Variants in FSTL5 observed in about 807,000 individuals in gnomAD.
FSTL5 encodes follistatin-related protein 5.
Under a neutral mutation model 89.1 loss-of-function variants are expected in FSTL5, and 62 were observed. The observed-to-expected ratio is 0.70, with a 90% CI of 0.57 to 0.86. The LOEUF is 0.86. Among genes scored for constraint, FSTL5 ranks in the 40% least tolerant of loss-of-function variants. FSTL5 has a pLI of 0.00. For synonymous variants in FSTL5, 383 were observed against 346.2 expected (o/e 1.11, Z -1.18); for missense variants, 1,057 against 1,001.6 (o/e 1.06, Z -0.75).
intron 2 of FSTL5, among the ~76,000 whole-genome samples, chr4:162,038,536 T>C (rs184379346): frequency 9.9e-5 from 15 of 152,064 alleles, no homozygotes; most frequent in Admixed American, 7.2e-4. Context: ...GAGCTGTAAG[T>C]GGTTCTGAAG....
chr4:161,699,594 A>C (rs1738303537), intron 6 of FSTL5, among the ~76,000 whole-genome samples: 1 of 152,226 alleles, frequency 6.6e-6, no homozygotes, highest in South Asian at 2.1e-4. Context: ...AAACTATAAG[A>C]CACACATTAA....
chr4:161,552,994 A>C (rs1033803403), intron 8 of FSTL5, among the ~76,000 whole-genome samples: 1 of 151,670 alleles, frequency 6.6e-6, no homozygotes, highest in Non-Finnish European at 1.5e-5. Flanking sequence ...ACATGAAAAA[A>C]AGAAACTGAT....
chr4:161,542,289 A>C (rs558207722), intron 9 of FSTL5, among the ~76,000 whole-genome samples: 1 of 152,192 alleles, frequency 6.6e-6, no homozygotes, highest in Non-Finnish European at 1.5e-5. Flanking sequence ...ATAATTTAAT[A>C]TTTTACTTAT....
At chr4:161,757,199 T>C (rs1256031936) in intron 6 of FSTL5, among the ~76,000 whole-genome samples, 1 of 152,176 alleles carries the variant, frequency 6.6e-6, no homozygotes, top group Non-Finnish European at 1.5e-5. Flanking sequence ...TTAAATTCAC[T>C]TGTCCTTAAG....
At chr4:162,135,919 T>A (rs950805868) in intron 1 of FSTL5, among the ~76,000 whole-genome samples, 1 of 152,144 alleles carries the variant, frequency 6.6e-6, no homozygotes, top group Non-Finnish European at 1.5e-5. Flanking sequence ...ACACATTTTA[T>A]GCTAATGAGT....
rs772541253 is a variant in FSTL5 at position 161,784,900 on chromosome 4, AC to A, written c.410-8827del. Among the ~76,000 whole-genome samples the A allele has an allele frequency of 1.4e-3, 206 of 146,350 alleles. 14 individuals carry two copies. The highest frequency in any genetic ancestry group is 2.2e-3 in the Admixed American group (32 of 14,802). On this transcript the variant is annotated intron_variant, in intron 4 of 15. Transcript: ENST00000306100. ...AGAGCAAGACTCCGTCTCAAAAAAA[AC>A]AAAAACAAACAAACAAAAAAAAGAA...
At chr4:161,458,545 T>C (rs1733444643) in intron 14 of FSTL5, among the ~76,000 whole-genome samples, 1 of 152,170 alleles carries the variant, frequency 6.6e-6, no homozygotes, top group Non-Finnish European at 1.5e-5. Flanking sequence ...TTTGGGGTCT[T>C]GTTAAGAGGG....
intron 9 of FSTL5, among the ~76,000 whole-genome samples, chr4:161,539,723 GAAAGCA>G (rs1409594047): frequency 1.3e-5 from 2 of 151,588 alleles, no homozygotes; most frequent in Non-Finnish European, 2.9e-5. Context: ...CAACAAAAAA[GAAAGCA>G]AAAACAAAAA....
intron 2 of FSTL5, among the ~76,000 whole-genome samples, chr4:162,066,547 G>A (rs564404968): frequency 1.1e-3 from 159 of 147,812 alleles, no homozygotes; most frequent in Middle Eastern, 3.4e-3. Context: ...TGCCCCGCAC[G>A]CATTAGGTAT....
chr4:161,675,020 A>G (rs1056225152), intron 6 of FSTL5, among the ~76,000 whole-genome samples: 2 of 152,158 alleles, frequency 1.3e-5, no homozygotes, highest in Non-Finnish European at 1.5e-5. Context: ...TTACAAAACT[A>G]ATAGCATACC....
intron 15 of FSTL5, among the ~76,000 whole-genome samples, chr4:161,414,359 A>T (rs891326830): frequency 6.6e-6 from 1 of 152,192 alleles, no homozygotes; most frequent in Non-Finnish European, 1.5e-5. Context: ...TCTGTAGAAG[A>T]CCATAATAGT....
intron 6 of FSTL5, among the ~76,000 whole-genome samples, chr4:161,701,388 T>A (rs532476888): frequency 2.3e-4 from 35 of 152,278 alleles, no homozygotes; most frequent in African/African-American, 8.4e-4. Flanking sequence ...TTCTCTAAAA[T>A]GTTATTCTCA....
intron 15 of FSTL5, among the ~76,000 whole-genome samples, chr4:161,413,201 A>T (rs1475952371): frequency 6.8e-6 from 1 of 147,822 alleles, no homozygotes; most frequent in Non-Finnish European, 1.5e-5. Context: ...AGGGAACTTA[A>T]ATCAATAGGA....
chr4:161,980,420 G>A (rs1347663331), intron 3 of FSTL5, among the ~76,000 whole-genome samples: 1 of 152,128 alleles, frequency 6.6e-6, no homozygotes, highest in Admixed American at 6.5e-5. Context: ...CAAGTTCTGT[G>A]TATGACACCC....
chr4:162,161,181 G>C (rs1469407006), intron 1 of FSTL5, among the ~76,000 whole-genome samples: 1 of 151,860 alleles, frequency 6.6e-6, no homozygotes, highest in Non-Finnish European at 1.5e-5. Context: ...AAGACATCCA[G>C]TGTTGTGTTA....
chr4:161,455,077 G>T lies in FSTL5; in HGVS notation c.1768C>A (p.Pro590Thr). 2 of 1,613,316 alleles carry T rather than the reference G, an allele frequency of 1.2e-6. No individual in the cohort carries two copies. The highest frequency in any genetic ancestry group is 1.7e-6 in the Non-Finnish European group (2 of 1,179,536). Residue 590 changes from proline (P) to threonine (T), a missense_variant, in exon 15 of 16, where the codon CCA becomes ACA. By Grantham distance (38) the Pro-to-Thr change is conservative (BLOSUM62 -1). Coordinates refer to ENST00000306100, the MANE Select transcript of FSTL5 (RefSeq NM_020116.5). The part of the protein sequence containing the change: ...NVPHHTIHTQ[P>T]VGKQFDRVDD... Reference sequence around the variant, plus strand: ...ACTCTGTCAAATTGCTTTCCCACTGGTTGGGTGTGGATCGTGTGGTGAGGC... The same window carrying T: ...ACTCTGTCAAATTGCTTTCCCACTGTTTGGGTGTGGATCGTGTGGTGAGGC...
intron 3 of FSTL5, among the ~76,000 whole-genome samples, chr4:162,014,537 T>C (rs201255562): frequency 7.0e-6 from 1 of 143,640 alleles, no homozygotes; most frequent in Non-Finnish European, 1.6e-5. Flanking sequence ...TGCCTTGAGT[T>C]AGATAAATTT....
At chr4:161,749,674 C>T (rs1464968403) in intron 6 of FSTL5, among the ~76,000 whole-genome samples, 1 of 152,026 alleles carries the variant, frequency 6.6e-6, no homozygotes, top group Non-Finnish European at 1.5e-5. Flanking sequence ...GGCCTGTAGT[C>T]CCAGCTACTC....
intron 4 of FSTL5, among the ~76,000 whole-genome samples, chr4:161,895,917 T>C (rs1733144458): frequency 6.6e-6 from 1 of 152,146 alleles, no homozygotes; most frequent in Non-Finnish European, 1.5e-5. Flanking sequence ...TAGGGGGGCA[T>C]ATCTACTGCT....
Sources: gnomAD v4.1 joint callset for allele counts (sites outside exome capture counted in the v4.1 genomes callset) on GRCh38, gnomAD v4.1.1 for gene constraint, MANE v1.5 for transcripts, NCBI Gene and HGNC (gene_info 2026-07-23, HGNC 2026-07-21) for gene names.